GRINA: variants seen among roughly 807,000 people sequenced by gnomAD.
The protein encoded by GRINA is protein lifeguard 1.
In GRINA, 26 loss-of-function variants were observed where a neutral mutation model predicts 42.5. That is an observed-to-expected ratio of 0.61 (90% CI 0.45 to 0.85). The LOEUF is 0.85. Among genes scored for constraint, GRINA ranks in the 40% least tolerant of loss-of-function variants. The pLI is 0.00. For synonymous variants in GRINA, 256 were observed against 204.2 expected, an observed-to-expected ratio of 1.25 and a Z score of -2.17; for missense variants, 475 against 481.5, an observed-to-expected ratio of 0.99 and a Z score of 0.13.
rs548564010 is a variant in GRINA, at chr8:143,991,210, C to T, written c.-14C>T. 3 of 1,557,530 alleles carry T rather than the reference C, an allele frequency of 1.9e-6. No individual in the cohort carries two copies. Among genetic ancestry groups the T allele is most frequent in the Admixed American group, 1.9e-5 (1 of 51,922 alleles). On this transcript the variant is annotated 5_prime_UTR_variant, in exon 2 of 7. Transcript: ENST00000395068. The stretch of plus-strand genomic sequence containing the variant: ...GTCTGTCTTCTCTAGGGGCGGACCG[C>T]GGAACCCGAGGCCATGTCCCATGAA...
Position 143,990,381 on chromosome 8 carries a change from G to T in GRINA, c.-25+182G>T. On this transcript the variant is annotated intron_variant, in intron 1 of 6. Coordinates refer to ENST00000395068, the MANE Select transcript of GRINA (RefSeq NM_001009184.2). This position sits in a 1 kb window ranked among gnomAD's most constrained non-coding sequence, Gnocchi z 5.6. ...GAGGTGGCGGCGGTGGTGGGGGCGGGGAGCCGCGGCGGCCTGGAGCCGGAG... is the reference window on the plus strand; with the variant it reads ...GAGGTGGCGGCGGTGGTGGGGGCGGTGAGCCGCGGCGGCCTGGAGCCGGAG... 1 of 151,446 alleles carries T rather than the reference G, an allele frequency of 6.6e-6. No individual in the cohort carries two copies. The highest frequency in any genetic ancestry group is 2.0e-4 in the South Asian group (1 of 5,056). The allele number at this position is 151,446 out of a possible 1,614,324, so 9.4% of individuals were successfully genotyped here. A position where few individuals can be genotyped will look rare whatever the true frequency, so the allele number is the denominator to read the frequency against.
In GRINA at chr8:143,992,933, C is replaced by G; in HGVS notation, c.*92C>G. 1 of 1,098,022 alleles carries G rather than the reference C, an allele frequency of 9.1e-7. No homozygotes were observed. The highest frequency in any genetic ancestry group is 1.3e-6 in the Non-Finnish European group (1 of 755,640). 68.0% of individuals were successfully genotyped at this position (1,098,022 alleles called of 1,614,324 possible). ...AGTGCCAGCTGTACTTCCCCTCTCT[C>G]TTGTCCCCAGGCACAGCCTAGGGAA... On this transcript the variant is annotated 3_prime_UTR_variant, in exon 7 of 7. Transcript: ENST00000395068.
Position 143,991,642 on chromosome 8 carries a change from C to T in GRINA, c.379+40C>T, listed in dbSNP as rs534546266. 20 of 1,581,876 alleles carry T rather than the reference C, an allele frequency of 1.3e-5. No individual in the cohort carries two copies. The African/African-American group carries it at 1.7e-4, about 14-fold the overall frequency. ...GGGAGGGGTGGGGTGGCCGGGAGGGCAGGGGGAGGTGCTTGTGAGTGGCGC... is the reference window on the plus strand; with the variant it reads ...GGGAGGGGTGGGGTGGCCGGGAGGGTAGGGGGAGGTGCTTGTGAGTGGCGC... On this transcript the variant is annotated intron_variant, in intron 2 of 6. Coordinates refer to ENST00000395068, the MANE Select transcript of GRINA (RefSeq NM_001009184.2).
rs1399992420 is a variant in GRINA, at chr8:143,990,720, T to A, written c.-24-480T>A. On this transcript the variant is annotated intron_variant, in intron 1 of 6. Coordinates refer to ENST00000395068, the MANE Select transcript of GRINA (RefSeq NM_001009184.2). This position sits in a 1 kb window ranked among gnomAD's most constrained non-coding sequence, Gnocchi z 5.6. ...GTGGGGGGGCTCGGGCCTTTGTTGG[T>A]CACAGATGGCCCGGGGATTTCCTGG... 6.6e-6 allele frequency: 1 copy of A among 151,926 alleles called. No individual in the cohort carries two copies. The highest frequency in any genetic ancestry group is 2.4e-5 in the African/African-American group (1 of 41,322). 9.4% of individuals were successfully genotyped at this position (151,926 alleles called of 1,614,324 possible).
chr8:143,991,045 GCCCAGGCT>G (rs1310153621), intron 1 of GRINA, 147 bp from the exon 2 acceptor site: 3 of 470,840 alleles, frequency 6.4e-6, no homozygotes, highest in African/African-American at 6.1e-5. Flanking sequence ...GCTTCTCCGG[GCCCAGGCT>G]CCGGGGCTCC....
rs1554750890 is a variant in GRINA at position 143,993,164 on chromosome 8, G to A, written c.*323G>A. The A allele has an allele frequency of 1.2e-5, 4 of 342,344 alleles. No individual in the cohort carries two copies. Among genetic ancestry groups the A allele is most frequent in the Non-Finnish European group, 1.1e-5 (2 of 180,994 alleles). 21.2% of individuals were successfully genotyped at this position (342,344 alleles called of 1,614,324 possible). ...GGGACTGGGGGCAGCACCAGGTCCC[G>A]GGGAGAGGGATTGAGCCAAGAGGTG... On this transcript the variant is annotated 3_prime_UTR_variant, in exon 7 of 7. Coordinates refer to ENST00000395068, the MANE Select transcript of GRINA (RefSeq NM_001009184.2).
Position 143,992,309 on chromosome 8 carries a change from C to T in GRINA, c.758C>T (p.Ala253Val). 1 of 1,588,812 alleles carries T rather than the reference C, an allele frequency of 6.3e-7. No individual in the cohort carries two copies. Among genetic ancestry groups the T allele is most frequent in the Non-Finnish European group, 8.6e-7 (1 of 1,165,372 alleles). ...ATCGCCAGCTTCTACAACACCGAGG[C>T]AGTCATCATGGCCGTGGGCATCACC... ...GMIASFYNTE[A>V]VIMAVGITTA... The change falls in exon 5 of 7, where the codon GCA (alanine) becomes GTA (valine). Residue 253 changes from alanine to valine, a missense_variant. Coordinates refer to ENST00000395068, the MANE Select transcript of GRINA (RefSeq NM_001009184.2).
At position 143,992,119 on chromosome 8, in the gene GRINA, T is replaced by C. The variant is rs116467837; in HGVS notation, c.693+41T>C. ...GAGCCTCTGTGCCTGGGTCCGGCCATGCAGTCCCACACGCCCACTCTTCCG... is the reference window on the plus strand; with the variant it reads ...GAGCCTCTGTGCCTGGGTCCGGCCACGCAGTCCCACACGCCCACTCTTCCG... On this transcript the variant is annotated intron_variant, in intron 4 of 6. Transcript: ENST00000395068. 2,395 of 1,604,328 alleles carry C rather than the reference T, an allele frequency of 1.5e-3. 27 individuals carry two copies. In the African/African-American group the frequency reaches 0.027, roughly 18 times the overall value.
Position 143,991,187 on chromosome 8 carries a change from C to G in GRINA, c.-24-13C>G, listed in dbSNP as rs1260455247. Reference sequence around the variant, plus strand: ...AGCCAACTGTTCCACTGTTCCTTGTCTGTCTTCTCTAGGGGCGGACCGCGG... The same window carrying G: ...AGCCAACTGTTCCACTGTTCCTTGTGTGTCTTCTCTAGGGGCGGACCGCGG... On this transcript the variant is annotated splice_polypyrimidine_tract_variant and intron_variant, in intron 1 of 6. Coordinates refer to ENST00000395068, the MANE Select transcript of GRINA (RefSeq NM_001009184.2). 4 of 1,498,072 alleles carry G rather than the reference C, an allele frequency of 2.7e-6. No homozygotes were observed. Among genetic ancestry groups the G allele is most frequent in the Non-Finnish European group, 3.6e-6 (4 of 1,116,750 alleles). 92.8% of individuals were successfully genotyped at this position (1,498,072 alleles called of 1,614,324 possible). A position where few individuals can be genotyped will look rare whatever the true frequency, so the allele number is the denominator to read the frequency against.
rs371253578 is a variant in GRINA at position 143,991,822 on chromosome 8, C to T, written c.492+18C>T. On this transcript the variant is annotated intron_variant, in intron 3 of 6. Coordinates refer to ENST00000395068, the MANE Select transcript of GRINA (RefSeq NM_001009184.2). Reference sequence around the variant, plus strand: ...TCCGCAAGGTGGGTAGGGGCATCTCCAAGGCGGTGGGGGCTGTGGCTCCCA... The same window carrying T: ...TCCGCAAGGTGGGTAGGGGCATCTCTAAGGCGGTGGGGGCTGTGGCTCCCA... The T allele has an allele frequency of 1.2e-4, 193 of 1,608,642 alleles. No homozygotes were observed. Among genetic ancestry groups the T allele is most frequent in the Non-Finnish European group, 1.5e-4 (176 of 1,175,266 alleles).
chr8:143,992,398 T>G (rs1554750698), intron 5 of GRINA, 25 bp downstream of exon 5: 2 of 1,610,240 alleles, frequency 1.2e-6, no homozygotes, highest in South Asian at 2.2e-5. Context: ...GTGGCTGGGC[T>G]GTGGCCGCAG....
rs376091130 is a variant in GRINA, at chr8:143,991,864, G to T, written c.493-14G>T. The T allele has an allele frequency of 1.2e-6, 2 of 1,610,280 alleles. No homozygotes were observed. The highest frequency in any genetic ancestry group is 1.7e-6 in the Non-Finnish European group (2 of 1,177,502). ...TGGCTCCCAGCGGATGACTCTGAGC[G>T]GCTCCTTCCCCAGGTGTTCCTAGTG... On this transcript the variant is annotated splice_polypyrimidine_tract_variant and intron_variant, in intron 3 of 6. Transcript: ENST00000395068.
chr8:143,990,100 T>G lies in GRINA; in HGVS notation c.-124T>G, dbSNP rs1834065472. The G allele has an allele frequency of 6.6e-6, 1 of 150,582 alleles. No individual in the cohort carries two copies. The highest frequency in any genetic ancestry group is 1.5e-5 in the Non-Finnish European group (1 of 67,538). The allele number at this position is 150,582 out of a possible 1,614,324, so 9.3% of individuals were successfully genotyped here. On this transcript the variant is annotated 5_prime_UTR_variant, in exon 1 of 7. Coordinates refer to ENST00000395068, the MANE Select transcript of GRINA (RefSeq NM_001009184.2). This position sits in a 1 kb window ranked among gnomAD's most constrained non-coding sequence, Gnocchi z 5.6. ...TCCGAGCCGCAGGCGCAGGCCCAGC[T>G]GAGCGGCCGCCGAGCGGGTGCGGGT...
At position 143,991,194 on chromosome 8, in the gene GRINA, C is replaced by T; in HGVS notation, c.-24-6C>T. The stretch of plus-strand genomic sequence containing the variant: ...TGTTCCACTGTTCCTTGTCTGTCTT[C>T]TCTAGGGGCGGACCGCGGAACCCGA... On this transcript the variant is annotated splice_polypyrimidine_tract_variant and splice_region_variant and intron_variant, in intron 1 of 6. Transcript: ENST00000395068. The T allele has an allele frequency of 1.3e-6, 2 of 1,526,040 alleles. No individual in the cohort carries two copies. Among genetic ancestry groups the T allele is most frequent in the Non-Finnish European group, 1.8e-6 (2 of 1,134,776 alleles). The allele number at this position is 1,526,040 out of a possible 1,614,324, so 94.5% of individuals were successfully genotyped here.
chr8:143,991,474 A>T lies in GRINA; in HGVS notation c.251A>T (p.Tyr84Phe). Residue 84 changes from tyrosine (Y) to phenylalanine (F), a missense_variant, in exon 2 of 7, where the codon TAC becomes TTC. By Grantham distance (22) the Tyr-to-Phe change is conservative (BLOSUM62 3). This residue lies in a region of GRINA where 321 missense variants were observed against 267.2 expected (regional missense o/e 1.20). Transcript: ENST00000395068. ...YPQGGYPQGP[Y>F]PQEGYPQGPY... Reference sequence around the variant, plus strand: ...CAAGGGGGCTACCCACAGGGCCCCTACCCACAAGAGGGCTACCCACAGGGC... The same window carrying T: ...CAAGGGGGCTACCCACAGGGCCCCTTCCCACAAGAGGGCTACCCACAGGGC... The T allele has an allele frequency of 6.6e-7, 1 of 1,511,544 alleles. No homozygotes were observed. Among genetic ancestry groups the T allele is most frequent in the South Asian group, 1.3e-5 (1 of 78,164 alleles). The allele number at this position is 1,511,544 out of a possible 1,614,324, so 93.6% of individuals were successfully genotyped here.
Position 143,992,125 on chromosome 8 carries a change from C to T in GRINA, c.693+47C>T, listed in dbSNP as rs1328497992. The T allele has an allele frequency of 9.4e-6, 15 of 1,599,274 alleles. No individual in the cohort carries two copies. The East Asian group carries it at 3.3e-4, about 36-fold the overall frequency. On this transcript the variant is annotated intron_variant, in intron 4 of 6. Transcript: ENST00000395068. The stretch of plus-strand genomic sequence containing the variant: ...CTGTGCCTGGGTCCGGCCATGCAGT[C>T]CCACACGCCCACTCTTCCGGGCCTG...
In GRINA at chr8:143,991,281, G is replaced by A. The variant is rs1554750384; in HGVS notation, c.58G>A (p.Gly20Arg). ...GGACAACTATCCTCCCCCCAACCCT[G>A]GATATCCGGGGGGGCCCCAGCCACC... is the stretch of plus-strand genomic sequence containing the variant. ...SGDNYPPPNPGYPGGPQPPMP... is the reference protein window; with the variant it reads ...SGDNYPPPNPRYPGGPQPPMP... Residue 20 changes from glycine to arginine, a missense_variant, in exon 2 of 7, where the codon GGA (glycine) becomes AGA (arginine). Gly to Arg is a moderately radical substitution (Grantham distance 125). Coordinates refer to ENST00000395068, the MANE Select transcript of GRINA (RefSeq NM_001009184.2). The A allele has an allele frequency of 6.6e-7, 1 of 1,510,816 alleles. No individual in the cohort carries two copies. The highest frequency in any genetic ancestry group is 1.4e-5 in the African/African-American group (1 of 71,162). 93.6% of individuals were successfully genotyped at this position (1,510,816 alleles called of 1,614,324 possible). A position where few individuals can be genotyped will look rare whatever the true frequency, so the allele number is the denominator to read the frequency against.
Position 143,992,083 on chromosome 8 carries a change from C to G in GRINA, c.693+5C>G. The G allele has an allele frequency of 6.2e-7, 1 of 1,612,844 alleles. No individual in the cohort carries two copies. Among genetic ancestry groups the G allele is most frequent in the Non-Finnish European group, 8.5e-7 (1 of 1,178,922 alleles). Reference sequence around the variant, plus strand: ...CCCTGGAACCTTGTTGCACTGGTAACCCCCAAACCTGAGCCTCTGTGCCTG... The same window carrying G: ...CCCTGGAACCTTGTTGCACTGGTAAGCCCCAAACCTGAGCCTCTGTGCCTG... On this transcript the variant is annotated splice_donor_5th_base_variant and intron_variant, in intron 4 of 6. Transcript: ENST00000395068.
At position 143,992,733 on chromosome 8, in the gene GRINA, G is replaced by A. The variant is rs1554750802; in HGVS notation, c.1008G>A (p.Gln336=). 6.2e-7 allele frequency: 1 copy of A among 1,614,002 alleles called. No homozygotes were observed. The change falls in exon 7 of 7, where the codon CAG becomes CAA. Residue 336 remains glutamine (Q), a synonymous_variant. Coordinates refer to ENST00000395068, the MANE Select transcript of GRINA (RefSeq NM_001009184.2). Reference sequence around the variant, plus strand: ...CCCAGCTGCTACTGGGGAACAAGCAGCTGTCCCTGAGCCCAGAAGAGTATG... The same window carrying A: ...CCCAGCTGCTACTGGGGAACAAGCAACTGTCCCTGAGCCCAGAAGAGTATG... ...VDTQLLLGNK[Q]LSLSPEEYVF... is the part of the protein sequence containing the mutation.
Sources: gnomAD v4.1 joint callset for allele counts on GRCh38, gnomAD v4.1.1 for gene constraint, gnomAD v4.1.1 regional missense constraint, Gnocchi (gnomAD v3.1) non-coding constraint, MANE v1.5 for transcripts, NCBI Gene and HGNC (gene_info 2026-07-23, HGNC 2026-07-21) for gene names.